Variants in CNTNAP5 observed in about 807,000 individuals in gnomAD.
The protein encoded by CNTNAP5 is contactin-associated protein-like 5.
A neutral mutation model predicts 150.2 loss-of-function variants in CNTNAP5; 72 were observed. The ratio of observed to expected loss-of-function variants is 0.48; its 90% confidence interval spans 0.40 to 0.58. CNTNAP5 has a LOEUF of 0.58. Among genes scored for constraint, CNTNAP5 ranks in the 20% least tolerant of loss-of-function variants. The pLI, the probability that CNTNAP5 is intolerant of heterozygous loss-of-function variation, is 0.00. For missense variants in CNTNAP5, 1,636 were observed against 1,626.2 expected, an observed-to-expected ratio of 1.01 and a Z score of -0.10; for synonymous variants, 672 against 619.8, an observed-to-expected ratio of 1.08 and a Z score of -1.25.
chr2:124,239,739 A>G (rs1686839870), intron 2 of CNTNAP5, among the ~76,000 whole-genome samples: 1 of 152,044 alleles, frequency 6.6e-6, no homozygotes, highest in Non-Finnish European at 1.5e-5. Context: ...TGAACTGGGC[A>G]GCAGAAGACA....
chr2:124,053,010 C>G (rs375567670), intron 1 of CNTNAP5, among the ~76,000 whole-genome samples: 1 of 149,526 alleles, frequency 6.7e-6, no homozygotes, highest in Non-Finnish European at 1.5e-5. Context: ...CTCCCTCCCC[C>G]GTCCCTGCTC....
intron 12 of CNTNAP5, among the ~76,000 whole-genome samples, chr2:124,610,480 C>G (rs1677355698): frequency 6.6e-6 from 1 of 152,122 alleles, no homozygotes; most frequent in Non-Finnish European, 1.5e-5. Context: ...CAAAACAAAA[C>G]AAAATGAAAA....
intron 3 of CNTNAP5, among the ~76,000 whole-genome samples, chr2:124,249,640 A>T (rs1210900202): frequency 5.3e-5 from 8 of 152,172 alleles, no homozygotes; most frequent in Admixed American, 2.6e-4. Flanking sequence ...TATTTGATTG[A>T]TGTCTCATGC....
chr2:124,252,521 C>G (rs549201002), intron 3 of CNTNAP5, among the ~76,000 whole-genome samples: 15 of 152,264 alleles, frequency 9.9e-5, no homozygotes, highest in African/African-American at 3.6e-4. Context: ...GCTCAAAAAG[C>G]CCTTGAGTCT....
chr2:124,255,248 G>A (rs1687278013), intron 3 of CNTNAP5, among the ~76,000 whole-genome samples: 2 of 152,010 alleles, frequency 1.3e-5, no homozygotes, highest in Admixed American at 1.3e-4. Context: ...ATTTAGGCTG[G>A]GCACAGTAGC....
chr2:124,546,710 C>G (rs1460752569), intron 10 of CNTNAP5, among the ~76,000 whole-genome samples: 1 of 152,160 alleles, frequency 6.6e-6, no homozygotes, highest in African/African-American at 2.4e-5. Flanking sequence ...CTCTACAAAA[C>G]AAACACCCTT....
rs1685858376 is a variant in CNTNAP5, at chr2:124,206,171, G to T, written c.83-15534G>T. 3.3e-5 allele frequency among the ~76,000 whole-genome samples: 5 copies of T among 152,168 alleles called. No individual in the cohort carries two copies. In the South Asian group the frequency reaches 1.0e-3, roughly 31 times the overall value. ...AGTGATTAATGCCAATGGGCCTTGG[G>T]CAGAGCTAGTGCCAATCCCAGCACT... On this transcript the variant is annotated intron_variant, in intron 1 of 23. Coordinates refer to ENST00000682447, the MANE Select transcript of CNTNAP5 (RefSeq NM_001367498.1).
intron 13 of CNTNAP5, among the ~76,000 whole-genome samples, chr2:124,657,938 T>A (rs1573528375): frequency 6.6e-6 from 1 of 152,360 alleles, no homozygotes. Context: ...GTTGTTTCTA[T>A]CAGATACCTT....
At chr2:124,147,575 G>C (rs1684285271) in intron 1 of CNTNAP5, among the ~76,000 whole-genome samples, 1 of 152,352 alleles carries the variant, frequency 6.6e-6, no homozygotes, top group East Asian at 1.9e-4. Flanking sequence ...GATGCAATCA[G>C]AAATAACATT....
intron 5 of CNTNAP5, among the ~76,000 whole-genome samples, chr2:124,436,421 T>C (rs577165353): frequency 4.7e-4 from 71 of 152,286 alleles, no homozygotes; most frequent in African/African-American, 1.7e-3. Flanking sequence ...TATTATGTGA[T>C]TTATTATGGT....
In CNTNAP5 at chr2:124,563,310, C is replaced by T. The variant is rs745509341; in HGVS notation, c.1743C>T (p.Ala581=). 1 of 1,559,392 alleles carries T rather than the reference C, an allele frequency of 6.4e-7. No individual in the cohort carries two copies. The change falls in exon 11 of 24, where the codon GCC becomes GCT. Residue 581 remains alanine, a synonymous_variant. Transcript: ENST00000682447. ...GCAGTGACACAAGTTACACTGGTGCCACCTGCCACAACTGTGAGTAGATTG... is the reference window on the plus strand; with the variant it reads ...GCAGTGACACAAGTTACACTGGTGCTACCTGCCACAACTGTGAGTAGATTG... ...CNCSDTSYTG[A]TCHNSIYEQS...
chr2:124,516,731 C>T (rs1694727110), intron 8 of CNTNAP5, among the ~76,000 whole-genome samples: 1 of 152,174 alleles, frequency 6.6e-6, no homozygotes, highest in Non-Finnish European at 1.5e-5. Context: ...GGTTCATTGA[C>T]ACCTTGCAAC....
intron 3 of CNTNAP5, 112 bp from the exon 4 acceptor site, chr2:124,417,331 A>G: frequency 1.9e-6 from 2 of 1,042,804 alleles, no homozygotes; most frequent in Non-Finnish European, 2.8e-6. Context: ...CAATTGAAAT[A>G]CGTGAGAAAT....
chr2:124,169,151 C>A (rs568057175), intron 1 of CNTNAP5, among the ~76,000 whole-genome samples: 1 of 152,180 alleles, frequency 6.6e-6, no homozygotes, highest in East Asian at 1.9e-4. Flanking sequence ...TTATCCTTCA[C>A]AGCCCTCATG....
intron 1 of CNTNAP5, among the ~76,000 whole-genome samples, chr2:124,083,568 T>C (rs1379326082): frequency 2.6e-5 from 4 of 152,114 alleles, no homozygotes; most frequent in African/African-American, 9.7e-5. Context: ...TAAAAAGTTA[T>C]CTTTTCTCTA....
At chr2:124,028,777 C>A (rs148358180) in intron 1 of CNTNAP5, among the ~76,000 whole-genome samples, 2 of 152,048 alleles carry the variant, frequency 1.3e-5, no homozygotes, top group African/African-American at 4.8e-5. Flanking sequence ...CACAGCTAAG[C>A]GTTCAAATAC....
intron 1 of CNTNAP5, among the ~76,000 whole-genome samples, chr2:124,175,584 C>T (rs1282054747): frequency 6.6e-6 from 1 of 152,128 alleles, no homozygotes; most frequent in Non-Finnish European, 1.5e-5. Context: ...TTTTTCAGCC[C>T]TTGCCCCCAC....
intron 1 of CNTNAP5, among the ~76,000 whole-genome samples, chr2:124,084,518 C>A (rs1261574111): frequency 6.6e-6 from 1 of 152,106 alleles, no homozygotes; most frequent in African/African-American, 2.4e-5. Context: ...ATCCATCCAC[C>A]TCAGCCTCTC....
chr2:124,149,886 C>A (rs1474178288), intron 1 of CNTNAP5, among the ~76,000 whole-genome samples: 1 of 152,194 alleles, frequency 6.6e-6, no homozygotes, highest in Non-Finnish European at 1.5e-5. Context: ...GGTTCTTCAC[C>A]CTCTCAGACC....
Sources: gnomAD v4.1 joint callset for allele counts (sites outside exome capture counted in the v4.1 genomes callset) on GRCh38, gnomAD v4.1.1 for gene constraint, MANE v1.5 for transcripts, NCBI Gene and HGNC (gene_info 2026-07-23, HGNC 2026-07-21) for gene names.